Variants in RUNX1T1 observed in about 807,000 individuals in gnomAD.
RUNX1T1 encodes the protein protein CBFA2T1.
In RUNX1T1, 4 loss-of-function variants were observed where a neutral mutation model predicts 62.8. The observed-to-expected ratio is 0.06, with a 90% CI of 0.03 to 0.15. The LOEUF (loss-of-function observed/expected upper bound fraction) is 0.15, where lower values mean the gene tolerates loss of function less well. RUNX1T1 is among the 10% of genes least tolerant of loss of function. RUNX1T1 has a pLI of 1.00. For synonymous variants in RUNX1T1, 291 were observed against 286.0 expected, an observed-to-expected ratio of 1.02 and a Z score of -0.18; for missense variants, 508 against 754.3, an observed-to-expected ratio of 0.67 and a Z score of 3.82.
At chr8:92,099,513 A>G (rs1837942936) in intron 1 of RUNX1T1, 6 of 491,326 alleles carry the variant, frequency 1.2e-5, no homozygotes, top group Non-Finnish European at 1.6e-5. Context: ...TCCATAAAAC[A>G]AAGAACCTTT....
At chr8:92,065,839 T>C (rs538202143), upstream of RUNX1T1, among the ~76,000 whole-genome samples, 18 of 152,306 alleles carry the variant, frequency 1.2e-4, no homozygotes, top group Middle Eastern at 3.4e-3. Context: ...AGCAGGCTGT[T>C]GTGATACACT....
chr8:92,053,161 T>C (rs1449816126), intron 1 of RUNX1T1, among the ~76,000 whole-genome samples: 1 of 151,808 alleles, frequency 6.6e-6, no homozygotes, highest in Admixed American at 6.6e-5. Context: ...ATATATTATA[T>C]ATAGAATGAA....
At chr8:91,968,350 T>C (rs1812074063) in intron 10 of RUNX1T1, among the ~76,000 whole-genome samples, 2 of 152,068 alleles carry the variant, frequency 1.3e-5, no homozygotes, top group African/African-American at 4.8e-5. Flanking sequence ...AAGTGGGAGG[T>C]GTGGTTGCCC....
intron 10 of RUNX1T1, among the ~76,000 whole-genome samples, chr8:91,962,535 C>T (rs111872089): frequency 5.2e-4 from 79 of 152,372 alleles, no homozygotes; most frequent in Middle Eastern, 3.4e-3. Flanking sequence ...ATTACCATAA[C>T]AAGAAGCCTT....
chr8:91,978,416 TATC>T (rs1814460519), intron 8 of RUNX1T1, among the ~76,000 whole-genome samples: 1 of 152,222 alleles, frequency 6.6e-6, no homozygotes, highest in Non-Finnish European at 1.5e-5. Flanking sequence ...TCCTCATTAT[TATC>T]ATTATTATTA....
intron 5 of RUNX1T1, among the ~76,000 whole-genome samples, chr8:91,993,172 T>C (rs1818010264): frequency 6.6e-6 from 1 of 152,184 alleles, no homozygotes; most frequent in Admixed American, 6.5e-5. Flanking sequence ...ATAGAGGCAC[T>C]TCTTCTACTT....
intron 6 of RUNX1T1, among the ~76,000 whole-genome samples, chr8:91,988,233 T>C (rs1425046196): frequency 1.3e-5 from 2 of 152,096 alleles, no homozygotes; most frequent in Non-Finnish European, 2.9e-5. Flanking sequence ...AGTGAACAAA[T>C]TTATGATAGC....
chr8:92,073,888 G>A (rs1285710813), intron 2 of RUNX1T1, among the ~76,000 whole-genome samples: 2 of 151,998 alleles, frequency 1.3e-5, no homozygotes, highest in East Asian at 3.9e-4. Flanking sequence ...TGTAGAGATG[G>A]GGTCTCACTT....
At chr8:91,967,263 T>C (rs1362523104) in intron 10 of RUNX1T1, among the ~76,000 whole-genome samples, 2 of 152,168 alleles carry the variant, frequency 1.3e-5, no homozygotes, top group Admixed American at 1.3e-4. Context: ...TGGCTGACTG[T>C]GGGTTCCCAT....
intron 6 of RUNX1T1, among the ~76,000 whole-genome samples, chr8:91,990,116 A>G (rs934935887): frequency 2.6e-5 from 4 of 152,090 alleles, no homozygotes; most frequent in African/African-American, 9.7e-5. Context: ...TTTGCTAGCA[A>G]TGTAGTTGGA....
intron 1 of RUNX1T1, among the ~76,000 whole-genome samples, chr8:92,094,398 A>ACT (rs1837484837): frequency 6.6e-6 from 1 of 152,198 alleles, no homozygotes; most frequent in Admixed American, 6.5e-5. Flanking sequence ...AGTCAATAAG[A>ACT]CATGTTTTCT....
intron 1 of RUNX1T1, among the ~76,000 whole-genome samples, chr8:92,090,639 G>A (rs1156973652): frequency 6.6e-6 from 1 of 152,120 alleles, no homozygotes; most frequent in Non-Finnish European, 1.5e-5. Flanking sequence ...GGGTGAAGAG[G>A]GGATAACTGA....
chr8:92,095,678 A>G (rs1586029907), intron 1 of RUNX1T1: 1 of 876,856 alleles, frequency 1.1e-6, no homozygotes, highest in Non-Finnish European at 1.6e-6. Context: ...GGCAGGAGGG[A>G]AGGAGGGATG....
intron 1 of RUNX1T1, among the ~76,000 whole-genome samples, chr8:92,026,052 A>C (rs911263423): frequency 2.6e-5 from 4 of 152,224 alleles, no homozygotes; most frequent in African/African-American, 9.6e-5. Flanking sequence ...ACAAAGAGAA[A>C]AGCATATTGT....
intron 1 of RUNX1T1, among the ~76,000 whole-genome samples, chr8:92,098,115 TTC>T (rs1320680455): frequency 3.9e-5 from 6 of 152,214 alleles, no homozygotes; most frequent in Non-Finnish European, 8.8e-5. Flanking sequence ...ATCTAGCATT[TTC>T]TTTCTTTCTT....
At chr8:92,036,290 A>T (rs905376649) in intron 1 of RUNX1T1, among the ~76,000 whole-genome samples, 2 of 152,248 alleles carry the variant, frequency 1.3e-5, no homozygotes, top group Non-Finnish European at 2.9e-5. Flanking sequence ...TATTTGTCAG[A>T]TAAATTAATT....
At chr8:92,026,557 C>G (rs1281789959) in intron 1 of RUNX1T1, among the ~76,000 whole-genome samples, 2 of 152,252 alleles carry the variant, frequency 1.3e-5, no homozygotes, top group African/African-American at 4.8e-5. Flanking sequence ...CACAGTGGCT[C>G]ATGCCTGTAA....
chr8:92,008,388 T>TCTCA (rs1554617950), intron 4 of RUNX1T1, among the ~76,000 whole-genome samples: 4,546 of 131,934 alleles, frequency 0.034, 114 homozygotes, highest in Middle Eastern at 0.066. Context: ...TCTCTCTCTC[T>TCTCA]CACACACACA....
At chr8:92,061,133 G>A (rs977036381) in intron 1 of RUNX1T1, among the ~76,000 whole-genome samples, 13 of 152,264 alleles carry the variant, frequency 8.5e-5, no homozygotes, top group African/African-American at 2.6e-4. Flanking sequence ...AACTAATCTC[G>A]TTCACCTATT....
Sources: allele counts gnomAD v4.1 joint callset (sites outside exome capture counted in the v4.1 genomes callset), GRCh38; gene constraint gnomAD v4.1.1; transcripts MANE v1.5; gene names NCBI Gene and HGNC (gene_info 2026-07-23, HGNC 2026-07-21).